The following HSPA12A variants were observed in gnomAD, a reference collection of about 807,000 sequenced individuals.
HSPA12A encodes the protein heat shock 70 kDa protein 12A.
Under a neutral mutation model 69.2 loss-of-function variants are expected in HSPA12A, and 28 were observed. The observed-to-expected ratio is 0.40, with a 90% confidence interval of 0.30 to 0.55. The LOEUF (loss-of-function observed/expected upper bound fraction) is 0.55. Ranked by LOEUF, HSPA12A falls within the 20% of genes least tolerant of loss-of-function variation. The pLI, the probability that HSPA12A is intolerant of heterozygous loss-of-function variation, is 0.38. For missense variants in HSPA12A, 686 were observed against 900.7 expected (o/e 0.76, Z 3.05); for synonymous variants, 345 against 370.5 (o/e 0.93, Z 0.79).
At chr10:116,736,277 T>C (rs1263864603) in intron 1 of HSPA12A, among the ~76,000 whole-genome samples, 1 of 151,920 alleles carries the variant, frequency 6.6e-6, no homozygotes, top group African/African-American at 2.4e-5. Context: ...CAATCCAAAC[T>C]CCAGGGAGGG....
intron 1 of HSPA12A, among the ~76,000 whole-genome samples, chr10:116,721,021 A>G (rs1850760686): frequency 6.6e-6 from 1 of 152,192 alleles, no homozygotes; most frequent in Non-Finnish European, 1.5e-5. Flanking sequence ...AGAGGAGACA[A>G]AGTCCTTCCA....
chr10:116,759,051 C>T (rs1298195555), intron 2 of HSPA12A, among the ~76,000 whole-genome samples: 2 of 152,216 alleles, frequency 1.3e-5, no homozygotes, highest in Non-Finnish European at 2.9e-5. Context: ...CCTGAAGAAA[C>T]AGCACATTCC....
chr10:116,801,534 GA>G (rs779687265), intron 2 of HSPA12A, among the ~76,000 whole-genome samples: 1 of 151,988 alleles, frequency 6.6e-6, no homozygotes, highest in African/African-American at 2.4e-5. Flanking sequence ...ACCTCACACT[GA>G]AAAAACGAAC....
In HSPA12A at chr10:116,678,280, C is replaced by G. The variant is rs144606496; in HGVS notation, c.1286+1223G>C. Among the ~76,000 whole-genome samples, 457 of 135,150 alleles carry G rather than the reference C, an allele frequency of 3.4e-3. 2 individuals carry two copies. Among genetic ancestry groups the G allele is most frequent in the African/African-American group, 0.012 (441 of 35,802 alleles). 88.7% of individuals were successfully genotyped at this position (135,150 alleles called of 152,430 possible). A position where few individuals can be genotyped will look rare whatever the true frequency, so the allele number is the denominator to read the frequency against. On this transcript the variant is annotated intron_variant, in intron 10 of 11. Coordinates refer to ENST00000369209, the MANE Select transcript of HSPA12A (RefSeq NM_025015.3). ...GGATGCAGTAGGAGGAACCACCACC[C>G]GTAAGGCAGATATGCCAAAGATTCA...
At chr10:116,770,253 G>A (rs1390718193) in intron 2 of HSPA12A, among the ~76,000 whole-genome samples, 3 of 152,184 alleles carry the variant, frequency 2.0e-5, no homozygotes, top group Non-Finnish European at 4.4e-5. Context: ...ATTACCAAGA[G>A]TTTGGCTTAT....
chr10:116,695,124 G>T (rs1849848741), intron 5 of HSPA12A, among the ~76,000 whole-genome samples: 1 of 152,006 alleles, frequency 6.6e-6, no homozygotes, highest in Admixed American at 6.5e-5. Context: ...TGACCCTGTG[G>T]CTCTCAGTCT....
Position 116,676,462 on chromosome 10 carries a change from T to C in HSPA12A, c.1327A>G (p.Met443Val). 3 of 1,614,016 alleles carry C rather than the reference T, an allele frequency of 1.9e-6. No individual in the cohort carries two copies. Among genetic ancestry groups the C allele is most frequent in the Non-Finnish European group, 1.7e-6 (2 of 1,180,022 alleles). Residue 443 changes from methionine to valine, a missense_variant, in exon 11 of 12, where the codon ATG becomes GTG. Coordinates refer to ENST00000369209, the MANE Select transcript of HSPA12A (RefSeq NM_025015.3). ...AGGGCGTTCATGGCATCTGGACTCA[T>C]CCGCAGCATCCCCTGCGAGGACCAC... ...VKWSSQGMLR[M>V]SPDAMNALFK... is the part of the protein sequence containing the mutation.
chr10:116,801,732 T>C lies in HSPA12A; in HGVS notation c.91+33203A>G, dbSNP rs552065216. On this transcript the variant is annotated intron_variant, in intron 2 of 12. Coordinates refer to the HSPA12A transcript ENST00000635765. ...TACACGTCATAAAATATCATAGAAC[T>C]ATTCACCAAAAGAAAAAAAAAAGCG... Among the ~76,000 whole-genome samples the C allele has an allele frequency of 4.0e-5, 6 of 151,824 alleles. No homozygotes were observed. The South Asian group carries it at 1.0e-3, about 26-fold the overall frequency.
chr10:116,819,177 C>A (rs1845364041), intron 2 of HSPA12A, among the ~76,000 whole-genome samples: 1 of 152,198 alleles, frequency 6.6e-6, no homozygotes, highest in Admixed American at 6.5e-5. Context: ...TTTCCCAGTT[C>A]TGAGATTCAG....
chr10:116,727,638 A>G (rs1261019992), intron 1 of HSPA12A, among the ~76,000 whole-genome samples: 1 of 152,152 alleles, frequency 6.6e-6, no homozygotes, highest in African/African-American at 2.4e-5. Flanking sequence ...GTAGCCAAAC[A>G]ACCATTTGTT....
chr10:116,750,965 G>C (rs1851764215), intron 2 of HSPA12A, among the ~76,000 whole-genome samples: 1 of 151,730 alleles, frequency 6.6e-6, no homozygotes, highest in Non-Finnish European at 1.5e-5. Context: ...AGAGCAAGAT[G>C]AAGAAAGAGG....
At chr10:116,680,579 G>A (rs550688387) in intron 9 of HSPA12A, among the ~76,000 whole-genome samples, 25 of 152,282 alleles carry the variant, frequency 1.6e-4, no homozygotes, top group Non-Finnish European at 3.2e-4. Context: ...TCTGCCTCCT[G>A]GGTTCAAGCA....
At chr10:116,815,732 C>G (rs1483400798) in intron 2 of HSPA12A, among the ~76,000 whole-genome samples, 4 of 152,174 alleles carry the variant, frequency 2.6e-5, no homozygotes, top group African/African-American at 7.2e-5. Context: ...CCAACTCCCC[C>G]ACCAAACGCT....
At chr10:116,677,868 T>C (rs1554877988) in intron 10 of HSPA12A, among the ~76,000 whole-genome samples, 1 of 152,210 alleles carries the variant, frequency 6.6e-6, no homozygotes, top group African/African-American at 2.4e-5. Flanking sequence ...AGAATTGCCA[T>C]TGTTTAAAAT....
intron 2 of HSPA12A, among the ~76,000 whole-genome samples, chr10:116,781,286 T>A (rs1471157270): frequency 2.6e-5 from 4 of 151,626 alleles, no homozygotes; most frequent in Admixed American, 1.3e-4. Context: ...AGACCCTGCC[T>A]CTTAAAAGAA....
At chr10:116,691,523 GA>G (rs1849739084) in intron 6 of HSPA12A, among the ~76,000 whole-genome samples, 1 of 152,178 alleles carries the variant, frequency 6.6e-6, no homozygotes, top group Non-Finnish European at 1.5e-5. Flanking sequence ...AGCCTCAGCT[GA>G]AGACTCACAA....
At chr10:116,786,888 C>A (rs1183358899) in intron 2 of HSPA12A, among the ~76,000 whole-genome samples, 1 of 152,012 alleles carries the variant, frequency 6.6e-6, no homozygotes, top group African/African-American at 2.4e-5. Context: ...GATCCACCTG[C>A]GTCAGCCTCT....
chr10:116,695,387 A>G (rs1849856357), intron 5 of HSPA12A, among the ~76,000 whole-genome samples: 1 of 152,206 alleles, frequency 6.6e-6, no homozygotes, highest in Non-Finnish European at 1.5e-5. Flanking sequence ...TTTTGCTGCC[A>G]TAAAAAGGGC....
At chr10:116,676,630 CA>C in intron 10 of HSPA12A, 128 bp from the exon 11 acceptor site, 2 of 707,030 alleles carry the variant, frequency 2.8e-6, no homozygotes, top group Non-Finnish European at 2.4e-6. Flanking sequence ...GGTTGAAAGC[CA>C]AAAGCACCTT....
Sources: gnomAD v4.1 joint callset for allele counts (sites outside exome capture counted in the v4.1 genomes callset) on GRCh38, gnomAD v4.1.1 for gene constraint, MANE v1.5 for transcripts, NCBI Gene and HGNC (gene_info 2026-07-23, HGNC 2026-07-21) for gene names.